Variants in BMPR1B observed in about 807,000 individuals in gnomAD.
The protein encoded by BMPR1B is bone morphogenetic protein receptor type 1B.
In BMPR1B, 12 loss-of-function variants were observed where a neutral mutation model predicts 59.1. The ratio of observed to expected loss-of-function variants is 0.20; its 90% CI spans 0.13 to 0.33. The LOEUF is 0.33. BMPR1B is among the 10% of genes least tolerant of loss of function. The probability of loss-of-function intolerance (pLI) is 1.00; values close to 1 mark genes in which losing one functional copy is unlikely to be tolerated. For missense variants in BMPR1B, 550 were observed against 610.9 expected (o/e 0.90, Z 1.05); for synonymous variants, 237 against 207.3 (o/e 1.14, Z -1.23).
At chr4:94,987,733 A>G (rs1721505094) in intron 2 of BMPR1B, among the ~76,000 whole-genome samples, 1 of 152,112 alleles carries the variant, frequency 6.6e-6, no homozygotes, top group Non-Finnish European at 1.5e-5. Context: ...TTCCGGTTGC[A>G]CTGCCTAATC....
At chr4:94,887,248 AG>A (rs1413878520) in intron 2 of BMPR1B, among the ~76,000 whole-genome samples, 1 of 145,666 alleles carries the variant, frequency 6.9e-6, no homozygotes, top group African/African-American at 2.6e-5. Context: ...AAAAAAAAAA[AG>A]GTGCCTTTAA....
intron 2 of BMPR1B, among the ~76,000 whole-genome samples, chr4:94,909,698 A>G (rs1728201737): frequency 6.6e-6 from 1 of 151,874 alleles, no homozygotes; most frequent in African/African-American, 2.4e-5. Context: ...TCTCCCTCTC[A>G]CTATAATTAT....
chr4:94,862,797 T>C (rs1020018082), intron 1 of BMPR1B, among the ~76,000 whole-genome samples: 58 of 151,328 alleles, frequency 3.8e-4, no homozygotes, highest in African/African-American at 1.3e-3. Flanking sequence ...TACAAAAAAT[T>C]AGCCGGGCGT....
intron 2 of BMPR1B, among the ~76,000 whole-genome samples, chr4:94,927,492 G>A (rs932085719): frequency 6.6e-6 from 1 of 152,156 alleles, no homozygotes; most frequent in African/African-American, 2.4e-5. Context: ...AGTTTATGAA[G>A]AAACAGATGT....
At chr4:94,916,172 A>G (rs949465982) in intron 2 of BMPR1B, among the ~76,000 whole-genome samples, 1 of 152,190 alleles carries the variant, frequency 6.6e-6, no homozygotes, top group Non-Finnish European at 1.5e-5. Flanking sequence ...AACCCAATAC[A>G]AAGAATTTGT....
At chr4:95,139,148 C>T (rs1734026345) in intron 10 of BMPR1B, among the ~76,000 whole-genome samples, 2 of 152,196 alleles carry the variant, frequency 1.3e-5, no homozygotes, top group African/African-American at 2.4e-5. Context: ...GGACCCTCAG[C>T]TGCAGGTCTG....
intron 1 of BMPR1B, among the ~76,000 whole-genome samples, chr4:94,825,147 T>A (rs1273773848): frequency 2.6e-5 from 4 of 152,178 alleles, no homozygotes; most frequent in Non-Finnish European, 4.4e-5. Context: ...TCATCGCTAG[T>A]CTCTGACATT....
chr4:95,127,760 A>G (rs1396781803), intron 8 of BMPR1B, among the ~76,000 whole-genome samples: 3 of 152,080 alleles, frequency 2.0e-5, no homozygotes, highest in Non-Finnish European at 4.4e-5. Context: ...GCTTATTTCC[A>G]TCAAGCTTCA....
At chr4:95,094,130 C>T (rs1730199629) in intron 3 of BMPR1B, among the ~76,000 whole-genome samples, 1 of 152,056 alleles carries the variant, frequency 6.6e-6, no homozygotes, top group East Asian at 1.9e-4. Context: ...GTCTTACAAG[C>T]AAGATTGTTA....
chr4:94,912,199 C>A (rs981387842), intron 2 of BMPR1B, among the ~76,000 whole-genome samples: 1 of 152,090 alleles, frequency 6.6e-6, no homozygotes, highest in South Asian at 2.1e-4. Flanking sequence ...CCGGGTCCCT[C>A]CAACAACATA....
At chr4:95,008,708 C>G (rs1262421410) in intron 3 of BMPR1B, among the ~76,000 whole-genome samples, 1 of 151,412 alleles carries the variant, frequency 6.6e-6, no homozygotes, top group Non-Finnish European at 1.5e-5. Context: ...TCAAAGGACA[C>G]TAAAAAAGAA....
chr4:95,099,799 A>C, intron 3 of BMPR1B, among the ~76,000 whole-genome samples: 1 of 152,254 alleles, frequency 6.6e-6, no homozygotes, highest in East Asian at 1.9e-4. Flanking sequence ...TTTCTTTATT[A>C]TTCAATTTTA....
chr4:94,968,946 C>G (rs1373257704), intron 2 of BMPR1B, among the ~76,000 whole-genome samples: 2 of 152,142 alleles, frequency 1.3e-5, no homozygotes. Context: ...ATTTTCTATT[C>G]ACAATTCCCA....
At chr4:94,916,259 G>A (rs1430200547) in intron 2 of BMPR1B, among the ~76,000 whole-genome samples, 2 of 152,184 alleles carry the variant, frequency 1.3e-5, no homozygotes, top group Admixed American at 1.3e-4. Flanking sequence ...GGCAGAGGTT[G>A]GAAGAATTTG....
intron 10 of BMPR1B, among the ~76,000 whole-genome samples, chr4:95,135,299 G>C (rs957585951): frequency 2.0e-5 from 3 of 152,154 alleles, no homozygotes; most frequent in African/African-American, 7.2e-5. Flanking sequence ...GTAGTGTGAT[G>C]CCTCCAGCTT....
chr4:94,987,933 T>C (rs535257222), intron 2 of BMPR1B, among the ~76,000 whole-genome samples: 1 of 152,176 alleles, frequency 6.6e-6, no homozygotes, highest in Non-Finnish European at 1.5e-5. Flanking sequence ...TAATGATTTA[T>C]CATCTGGATA....
chr4:94,807,317 TC>T (rs1354132669), intron 1 of BMPR1B, among the ~76,000 whole-genome samples: 15 of 152,100 alleles, frequency 9.9e-5, no homozygotes. Context: ...GCTGCCAAAC[TC>T]CTGAGCTCAA....
intron 2 of BMPR1B, among the ~76,000 whole-genome samples, chr4:94,964,625 C>T (rs775144319): frequency 1.1e-4 from 17 of 152,188 alleles, no homozygotes; most frequent in African/African-American, 3.9e-4. Flanking sequence ...TGGATTAAAG[C>T]GGAGATGCCA....
chr4:94,960,922 T>C (rs1730328202), intron 2 of BMPR1B, among the ~76,000 whole-genome samples: 1 of 143,274 alleles, frequency 7.0e-6, no homozygotes, highest in Non-Finnish European at 1.6e-5. Flanking sequence ...TCCTGCTTGC[T>C]GGAATGCTCA....
Sources: allele counts gnomAD v4.1 joint callset (sites outside exome capture counted in the v4.1 genomes callset), GRCh38; gene constraint gnomAD v4.1.1; transcripts MANE v1.5; gene names NCBI Gene and HGNC (gene_info 2026-07-23, HGNC 2026-07-21).